Variants in FREM3 observed in about 807,000 individuals in gnomAD.
FREM3 encodes FRAS1 related extracellular matrix 3.
Under a neutral mutation model 129.1 loss-of-function variants are expected in FREM3, and 105 were observed. The ratio of observed to expected loss-of-function variants is 0.81; its 90% CI spans 0.69 to 0.96. The LOEUF is 0.96. FREM3 is among the 40% of genes least tolerant of loss of function. The pLI is 0.00. For synonymous variants in FREM3, 1,014 were observed against 1,044.9 expected, an observed-to-expected ratio of 0.97 and a Z score of 0.57; for missense variants, 2,593 against 2,666.3, an observed-to-expected ratio of 0.97 and a Z score of 0.61.
At chr4:143,642,175 T>C (rs1739331400) in intron 2 of FREM3, among the ~76,000 whole-genome samples, 1 of 152,222 alleles carries the variant, frequency 6.6e-6, no homozygotes, top group South Asian at 2.1e-4. Context: ...TGGAAAGATA[T>C]CCTGTGTTTC....
At chr4:143,583,702 C>T (rs1013214309) in intron 7 of FREM3, among the ~76,000 whole-genome samples, 1 of 151,682 alleles carries the variant, frequency 6.6e-6, no homozygotes, top group African/African-American at 2.4e-5. Context: ...TTATATCCAG[C>T]CAAACTAAGC....
intron 2 of FREM3, among the ~76,000 whole-genome samples, chr4:143,674,788 A>G (rs1401002817): frequency 2.0e-5 from 3 of 152,228 alleles, no homozygotes; most frequent in Non-Finnish European, 2.9e-5. Flanking sequence ...ATCAAAAGAG[A>G]AAAAGAAGGC....
At chr4:143,690,300 T>C (rs879285791) in intron 2 of FREM3, among the ~76,000 whole-genome samples, 1 of 152,140 alleles carries the variant, frequency 6.6e-6, no homozygotes, top group Non-Finnish European at 1.5e-5. Flanking sequence ...GAGCTGGGAT[T>C]TGGACACAGA....
At chr4:143,637,165 G>A (rs2149845314) in intron 2 of FREM3, among the ~76,000 whole-genome samples, 1 of 152,238 alleles carries the variant, frequency 6.6e-6, no homozygotes, top group African/African-American at 2.4e-5. Context: ...TTGTCATTTG[G>A]AAAATGCTTC....
chr4:143,683,340 C>T (rs904927258), intron 2 of FREM3, among the ~76,000 whole-genome samples: 2 of 152,310 alleles, frequency 1.3e-5, no homozygotes, highest in East Asian at 1.9e-4. Context: ...AGAGTCCCCC[C>T]CAAACTGTGA....
chr4:143,675,392 T>G (rs1157904159), intron 2 of FREM3, among the ~76,000 whole-genome samples: 2 of 151,504 alleles, frequency 1.3e-5, no homozygotes, highest in East Asian at 3.9e-4. Context: ...TTTAAAGCAG[T>G]GTGTAGAGGG....
chr4:143,611,696 T>C (rs1464488363), intron 5 of FREM3, among the ~76,000 whole-genome samples, 169 bp from the exon 6 acceptor site: 1 of 152,252 alleles, frequency 6.6e-6, no homozygotes, highest in African/African-American at 2.4e-5. Context: ...GCTTTTGGAA[T>C]AGACTCTGGT....
At chr4:143,615,859 G>A (rs1474962033) in intron 5 of FREM3, among the ~76,000 whole-genome samples, 2 of 152,086 alleles carry the variant, frequency 1.3e-5, no homozygotes, top group African/African-American at 2.4e-5. Flanking sequence ...CCAAGAGCAG[G>A]TGCACTATCA....
intron 2 of FREM3, among the ~76,000 whole-genome samples, chr4:143,672,340 T>G (rs1212049315): frequency 6.6e-6 from 1 of 152,212 alleles, no homozygotes; most frequent in African/African-American, 2.4e-5. Context: ...TGGTTGTTTC[T>G]TTGCTCATAC....
chr4:143,699,455 C>T lies in FREM3; in HGVS notation c.1221G>A (p.Glu407=), dbSNP rs1158478585. Residue 407 remains glutamate (E), a synonymous_variant, in exon 1 of 8, where the codon GAG becomes GAA. Transcript: ENST00000329798. The surrounding 1 kb of genome is among the most constrained non-coding windows in gnomAD (Gnocchi z 4.2). ...HGERLFQLEL[E]VVDGDGAASD... is the part of the protein sequence containing the mutation. Reference sequence around the variant, plus strand: ...AGGCGGCGCCGTCTCCGTCCACCACCTCCAGCTCCAGCTGAAAGAGGCGCT... The same window carrying T: ...AGGCGGCGCCGTCTCCGTCCACCACTTCCAGCTCCAGCTGAAAGAGGCGCT... 1 of 1,537,310 alleles carries T rather than the reference C, an allele frequency of 6.5e-7. No homozygotes were observed. The highest frequency in any genetic ancestry group is 8.7e-7 in the Non-Finnish European group (1 of 1,146,936).
In FREM3 at chr4:143,697,933, A is replaced by G; in HGVS notation, c.2743T>C (p.Phe915Leu). 6.5e-7 allele frequency: 1 copy of G among 1,537,878 alleles called. No homozygotes were observed. Among genetic ancestry groups the G allele is most frequent in the Non-Finnish European group, 8.7e-7 (1 of 1,147,052 alleles). ...ACCCCATCACTTACTTCCAGATGGA[A>G]AGTGTCACTGGTAGTCGTCTGGTCT... is the stretch of plus-strand genomic sequence containing the variant. Reference protein sequence around the residue: ...GRDQTTTSDTFHLEVSDGVHH... With the variant: ...GRDQTTTSDTLHLEVSDGVHH... Residue 915 changes from phenylalanine (F) to leucine (L), a missense_variant, in exon 1 of 8, where the codon TTC becomes CTC. Physicochemically the swap from Phe to Leu is conservative, Grantham distance 22 (BLOSUM62 0). Transcript: ENST00000329798.
chr4:143,621,256 CTT>C, intron 4 of FREM3, 94 bp from the exon 5 acceptor site: 2 of 1,138,876 alleles, frequency 1.8e-6, no homozygotes, highest in Non-Finnish European at 2.5e-6. Context: ...GCCTTTGACT[CTT>C]ATATTTTCCA....
chr4:143,658,541 C>G (rs550931827), intron 2 of FREM3, among the ~76,000 whole-genome samples: 35 of 152,168 alleles, frequency 2.3e-4, no homozygotes, highest in Non-Finnish European at 4.6e-4. Context: ...TGTCACCCAC[C>G]ACCTTGTCTA....
intron 3 of FREM3, among the ~76,000 whole-genome samples, chr4:143,626,791 T>A (rs536494854): frequency 2.0e-5 from 3 of 152,158 alleles, no homozygotes; most frequent in African/African-American, 7.2e-5. Context: ...TGATTGCTTG[T>A]TTTCTCTCCA....
intron 2 of FREM3, among the ~76,000 whole-genome samples, chr4:143,675,826 C>T (rs1740108644): frequency 1.3e-5 from 2 of 152,150 alleles, no homozygotes; most frequent in South Asian, 2.1e-4. Flanking sequence ...GTACACCCTC[C>T]AAAGACTAAA....
In FREM3 at chr4:143,699,212, A is replaced by C; in HGVS notation, c.1464T>G (p.Ala488=). Residue 488 remains alanine, a synonymous_variant, in exon 1 of 8, where the codon GCT becomes GCG. Transcript: ENST00000329798. The surrounding 1 kb of genome is among the most constrained non-coding windows in gnomAD (Gnocchi z 4.2). ...HGQLVVFGAP[A]GCKYFTPADL... Reference sequence around the variant, plus strand: ...CCGCTGGTGTGAAATACTTGCACCCAGCAGGTGCCCCAAACACCACCAGCT... The same window carrying C: ...CCGCTGGTGTGAAATACTTGCACCCCGCAGGTGCCCCAAACACCACCAGCT... 1 of 1,537,324 alleles carries C rather than the reference A, an allele frequency of 6.5e-7. No individual in the cohort carries two copies. The highest frequency in any genetic ancestry group is 1.2e-5 in the South Asian group (1 of 84,064).
At chr4:143,668,108 T>C (rs1739897712) in intron 2 of FREM3, among the ~76,000 whole-genome samples, 1 of 152,220 alleles carries the variant, frequency 6.6e-6, no homozygotes, top group Non-Finnish European at 1.5e-5. Flanking sequence ...CTAAACACTA[T>C]TTAGCAGAAT....
chr4:143,642,075 C>T (rs183512997), intron 2 of FREM3, among the ~76,000 whole-genome samples: 17 of 152,236 alleles, frequency 1.1e-4, no homozygotes, highest in Non-Finnish European at 2.1e-4. Flanking sequence ...ATTTATAATA[C>T]CTAGAAAGAA....
At chr4:143,596,793 G>T (rs940192398) in intron 6 of FREM3, among the ~76,000 whole-genome samples, 5 of 151,894 alleles carry the variant, frequency 3.3e-5, no homozygotes, top group Non-Finnish European at 5.9e-5. Flanking sequence ...GAAATAATTA[G>T]CTGGGTGTGG....
Sources: gnomAD v4.1 joint callset for allele counts (sites outside exome capture counted in the v4.1 genomes callset) on GRCh38, gnomAD v4.1.1 for gene constraint, Gnocchi (gnomAD v3.1) non-coding constraint, MANE v1.5 for transcripts, NCBI Gene and HGNC (gene_info 2026-07-23, HGNC 2026-07-21) for gene names.